KCTD16: variants seen among roughly 807,000 people sequenced by gnomAD.
KCTD16 encodes the protein potassium channel tetramerization domain containing 16.
A neutral mutation model predicts 33.2 loss-of-function variants in KCTD16; 13 were observed. That is an observed-to-expected ratio of 0.39 (90% confidence interval 0.25 to 0.62). The LOEUF is 0.62. Ranked by LOEUF, KCTD16 falls within the 20% of genes least tolerant of loss-of-function variation. The pLI is 0.50. For synonymous variants in KCTD16, 197 were observed against 195.3 expected (o/e 1.01, Z -0.07); for missense variants, 441 against 525.1 (o/e 0.84, Z 1.57).
At chr5:144,196,645 C>A (rs952326278) in intron 2 of KCTD16, among the ~76,000 whole-genome samples, 7 of 152,104 alleles carry the variant, frequency 4.6e-5, no homozygotes, top group Non-Finnish European at 8.8e-5. Flanking sequence ...CAAGGGACAC[C>A]AGGTTGAATC....
chr5:144,312,146 G>A (rs17101769), intron 3 of KCTD16, among the ~76,000 whole-genome samples: 15,859 of 152,110 alleles, frequency 0.1, 2,094 homozygotes, highest in African/African-American at 0.31. Context: ...AGACTGCTCC[G>A]AATTATCCCA....
At chr5:144,172,031 C>G (rs1752395939) in intron 1 of KCTD16, among the ~76,000 whole-genome samples, 1 of 152,034 alleles carries the variant, frequency 6.6e-6, no homozygotes, top group African/African-American at 2.4e-5. Flanking sequence ...ATCCTGAGGC[C>G]CTCACAAAAG....
chr5:144,479,187 T>G lies in KCTD16; in HGVS notation c.*5073T>G, dbSNP rs1160740118. On this transcript the variant is annotated 3_prime_UTR_variant, in exon 4 of 4. Transcript: ENST00000512467. ...AACTGCACATAAAATATAACCAAAA[T>G]GAATATGGAATGATTAGTGAATTCA... is the stretch of plus-strand genomic sequence containing the variant. 2 of 151,580 alleles carry G rather than the reference T, an allele frequency of 1.3e-5. No homozygotes were observed. The highest frequency in any genetic ancestry group is 2.9e-5 in the Non-Finnish European group (2 of 67,826). The allele number at this position is 151,580 out of a possible 1,614,324, so 9.4% of individuals were successfully genotyped here.
chr5:144,285,720 C>G (rs1362675600), intron 3 of KCTD16, among the ~76,000 whole-genome samples: 8 of 152,154 alleles, frequency 5.3e-5, no homozygotes, highest in Non-Finnish European at 1.2e-4. Context: ...AAATTACATT[C>G]TACATTGCTG....
At chr5:144,180,572 G>T (rs377050595) in intron 2 of KCTD16, among the ~76,000 whole-genome samples, 6 of 152,298 alleles carry the variant, frequency 3.9e-5, no homozygotes, top group East Asian at 1.9e-4. Flanking sequence ...AGGCTTGTTG[G>T]GGGTAGCTCA....
In KCTD16 at chr5:144,476,050, C is replaced by G. The variant is rs570871518; in HGVS notation, c.*1936C>G. 11 of 152,294 alleles carry G rather than the reference C, an allele frequency of 7.2e-5. No homozygotes were observed. The highest frequency in any genetic ancestry group is 3.3e-4 in the Admixed American group (5 of 15,292). 9.4% of individuals were successfully genotyped at this position (152,294 alleles called of 1,614,324 possible). ...TATATTAGCAGATATTTGGTCTTAACTACAACATAGCTTTGTTTGTAAACT... is the reference window on the plus strand; with the variant it reads ...TATATTAGCAGATATTTGGTCTTAAGTACAACATAGCTTTGTTTGTAAACT... On this transcript the variant is annotated 3_prime_UTR_variant, in exon 4 of 4. Transcript: ENST00000512467.
At chr5:144,186,597 A>T (rs1277559795) in intron 2 of KCTD16, among the ~76,000 whole-genome samples, 1 of 152,202 alleles carries the variant, frequency 6.6e-6, no homozygotes, top group Non-Finnish European at 1.5e-5. Flanking sequence ...GAAGGACTTT[A>T]AAAAACCAGT....
intron 3 of KCTD16, among the ~76,000 whole-genome samples, chr5:144,258,680 CAG>C (rs1395246624): frequency 2.0e-5 from 3 of 152,176 alleles, no homozygotes; most frequent in Non-Finnish European, 4.4e-5. Flanking sequence ...TTAATTCAAA[CAG>C]AGGAAAATAC....
intron 3 of KCTD16, among the ~76,000 whole-genome samples, chr5:144,259,353 G>C (rs564147226): frequency 6.7e-6 from 1 of 149,202 alleles, no homozygotes; most frequent in East Asian, 2.0e-4. Context: ...AATGCTACTT[G>C]ATTAGTATCA....
intron 3 of KCTD16, among the ~76,000 whole-genome samples, chr5:144,418,918 A>C (rs778114046): frequency 1.3e-5 from 2 of 152,132 alleles, no homozygotes; most frequent in Non-Finnish European, 2.9e-5. Context: ...ACCCATTAAC[A>C]TCATGGTTAT....
intron 3 of KCTD16, among the ~76,000 whole-genome samples, chr5:144,375,824 T>G (rs1752078688): frequency 6.6e-6 from 1 of 152,002 alleles, no homozygotes; most frequent in Non-Finnish European, 1.5e-5. Flanking sequence ...CTTCCTTCCT[T>G]CCTTTCTTTT....
intron 3 of KCTD16, among the ~76,000 whole-genome samples, chr5:144,312,045 A>T (rs1751779566): frequency 1.3e-5 from 2 of 152,118 alleles, no homozygotes; most frequent in South Asian, 4.1e-4. Flanking sequence ...TTTTAGCTCC[A>T]TTCAGCAAAC....
At chr5:144,309,664 A>T (rs1179230972) in intron 3 of KCTD16, among the ~76,000 whole-genome samples, 1 of 152,166 alleles carries the variant, frequency 6.6e-6, no homozygotes, top group African/African-American at 2.4e-5. Flanking sequence ...AGGCATAACT[A>T]GAGGCTACGT....
In KCTD16 at chr5:144,475,208, G is replaced by C. The variant is rs1171389276; in HGVS notation, c.*1094G>C. On this transcript the variant is annotated 3_prime_UTR_variant, in exon 4 of 4. Transcript: ENST00000512467. ...GGTCCGGCCTTTTGTTTGTTTTAGA[G>C]AAAGTTGTATTCCACACACAACCTA... The C allele has an allele frequency of 6.6e-6, 1 of 152,128 alleles. No homozygotes were observed. 9.4% of individuals were successfully genotyped at this position (152,128 alleles called of 1,614,324 possible).
At chr5:144,243,133 A>C (rs1237072258) in intron 3 of KCTD16, among the ~76,000 whole-genome samples, 2 of 152,180 alleles carry the variant, frequency 1.3e-5, no homozygotes, top group Non-Finnish European at 2.9e-5. Context: ...AAGACCATAG[A>C]TGTAAAGTGT....
rs1754577188 is a variant in KCTD16 at position 144,475,590 on chromosome 5, A to T, written c.*1476A>T. The T allele has an allele frequency of 6.6e-6, 1 of 152,648 alleles. No individual in the cohort carries two copies. Among genetic ancestry groups the T allele is most frequent in the Non-Finnish European group, 1.5e-5 (1 of 68,044 alleles). 9.5% of individuals were successfully genotyped at this position (152,648 alleles called of 1,614,324 possible). A position where few individuals can be genotyped will look rare whatever the true frequency, so the allele number is the denominator to read the frequency against. Reference sequence around the variant, plus strand: ...ACCAGTTTTATTTTCAGCATTCCTCATGCATTTCAGTGGTAACCAAAAAAT... The same window carrying T: ...ACCAGTTTTATTTTCAGCATTCCTCTTGCATTTCAGTGGTAACCAAAAAAT... On this transcript the variant is annotated 3_prime_UTR_variant, in exon 4 of 4. Coordinates refer to ENST00000512467, the MANE Select transcript of KCTD16 (RefSeq NM_020768.4).
At chr5:144,200,039 G>A (rs1167703174) in intron 2 of KCTD16, among the ~76,000 whole-genome samples, 1 of 152,004 alleles carries the variant, frequency 6.6e-6, no homozygotes, top group Non-Finnish European at 1.5e-5. Flanking sequence ...CTACAGAAAT[G>A]TATACTTGCG....
intron 3 of KCTD16, among the ~76,000 whole-genome samples, chr5:144,254,326 T>A (rs200211598): frequency 1.1e-5 from 1 of 92,844 alleles, no homozygotes; most frequent in African/African-American, 3.1e-5. Flanking sequence ...GTTTTTTTAG[T>A]TAGAGATGGG....
At chr5:144,331,545 C>T (rs1260866638) in intron 3 of KCTD16, among the ~76,000 whole-genome samples, 2 of 152,120 alleles carry the variant, frequency 1.3e-5, no homozygotes, top group African/African-American at 4.8e-5. Flanking sequence ...TGACAGCTGT[C>T]AAACAATGTG....
Sources: gnomAD v4.1 joint callset for allele counts (sites outside exome capture counted in the v4.1 genomes callset) on GRCh38, gnomAD v4.1.1 for gene constraint, MANE v1.5 for transcripts, NCBI Gene and HGNC (gene_info 2026-07-23, HGNC 2026-07-21) for gene names.